The following COL25A1 variants were observed in gnomAD, a reference collection of about 807,000 sequenced individuals.
COL25A1 encodes the protein collagen alpha-1(XXV) chain.
COL25A1 carries 103 observed loss-of-function variants against 128.4 expected under a neutral mutation model. The ratio of observed to expected loss-of-function variants is 0.80; its 90% CI spans 0.68 to 0.94. The LOEUF is 0.94. Among genes scored for constraint, COL25A1 ranks in the 40% least tolerant of loss-of-function variants. The pLI is 0.00. For synonymous variants in COL25A1, 279 were observed against 277.2 expected, an observed-to-expected ratio of 1.01 and a Z score of -0.06; for missense variants, 745 against 840.0, an observed-to-expected ratio of 0.89 and a Z score of 1.40.
At chr4:109,048,113 A>T in intron 5 of COL25A1, 55 bp downstream of exon 5, 1 of 1,584,578 alleles carries the variant, frequency 6.3e-7, no homozygotes, top group Non-Finnish European at 8.7e-7. Context: ...ACAAAGTTTT[A>T]ACATACACAA....
Position 108,827,174 on chromosome 4 carries a change from A to T in COL25A1, c.1725T>A (p.Ala575=). ...GCCCTCTTGGTCCAGGCTCTCCCATAGCTCCTTTTTCACCCTAAAATGAAA... is the reference window on the plus strand; with the variant it reads ...GCCCTCTTGGTCCAGGCTCTCCCATTGCTCCTTTTTCACCCTAAAATGAAA... ...GPKGERGEKG[A]MGEPGPRGPY... Residue 575 remains alanine, a synonymous_variant, in exon 33 of 38, where the codon GCT becomes GCA. Coordinates refer to ENST00000399132, the MANE Select transcript of COL25A1 (RefSeq NM_198721.4). 1 of 1,613,958 alleles carries T rather than the reference A, an allele frequency of 6.2e-7. No homozygotes were observed. The highest frequency in any genetic ancestry group is 8.5e-7 in the Non-Finnish European group (1 of 1,179,928).
At chr4:109,250,369 T>TACACACACACACACACACAC (rs61574026) in intron 3 of COL25A1, among the ~76,000 whole-genome samples, 9,154 of 134,718 alleles carry the variant, frequency 0.068, 411 homozygotes, top group Middle Eastern at 0.14. Context: ...AAGTAGGAGA[T>TACACACACACACACACACAC]ACACACACAC....
intron 3 of COL25A1, among the ~76,000 whole-genome samples, chr4:109,233,822 T>C (rs767352790): frequency 5.3e-5 from 8 of 152,132 alleles, no homozygotes; most frequent in Non-Finnish European, 1.0e-4. Flanking sequence ...TAATGTACCA[T>C]ACTTAATACT....
At chr4:109,247,518 C>A (rs908869960) in intron 3 of COL25A1, among the ~76,000 whole-genome samples, 16 of 152,036 alleles carry the variant, frequency 1.1e-4, no homozygotes, top group Non-Finnish European at 2.4e-4. Flanking sequence ...GTCACTTGGG[C>A]CTGAATTAGG....
chr4:108,867,143 G>A (rs1738036676), intron 20 of COL25A1, among the ~76,000 whole-genome samples: 1 of 152,216 alleles, frequency 6.6e-6, no homozygotes, highest in Non-Finnish European at 1.5e-5. Context: ...CTAAAGAAAA[G>A]ATATTTAGGA....
At chr4:108,864,473 A>G (rs957040586) in intron 20 of COL25A1, among the ~76,000 whole-genome samples, 1 of 152,186 alleles carries the variant, frequency 6.6e-6, no homozygotes, top group Non-Finnish European at 1.5e-5. Flanking sequence ...TACTCATCTC[A>G]TAGTTTATGA....
intron 5 of COL25A1, among the ~76,000 whole-genome samples, chr4:109,020,437 C>T (rs1757616948): frequency 6.9e-6 from 1 of 144,642 alleles, no homozygotes; most frequent in African/African-American, 2.6e-5. Flanking sequence ...TCATCTAAAA[C>T]CTGGTGGATA....
chr4:109,184,146 TAGCAGTTTTCAAGG>T (rs1349703609), intron 3 of COL25A1, among the ~76,000 whole-genome samples: 2 of 152,192 alleles, frequency 1.3e-5, no homozygotes, highest in African/African-American at 4.8e-5. Context: ...TTGTTCCAGA[TAGCAGTTTTCAAGG>T]AATTTTGCTT....
In COL25A1 at chr4:108,983,269, C is replaced by G. The variant is rs376625127; in HGVS notation, c.439-8710G>C. Among the ~76,000 whole-genome samples the G allele has an allele frequency of 3.2e-4, 48 of 152,180 alleles. No homozygotes were observed. In the South Asian group the frequency reaches 1.0e-2, roughly 32 times the overall value. On this transcript the variant is annotated intron_variant, in intron 6 of 37. Transcript: ENST00000399132. ...TTGGAATCCTAAACATTCCTTTTGTCGAAAGAAAGTATCAACTTGCTCTTT... is the reference window on the plus strand; with the variant it reads ...TTGGAATCCTAAACATTCCTTTTGTGGAAAGAAAGTATCAACTTGCTCTTT...
rs984517167 is a variant in COL25A1 at position 108,810,823 on chromosome 4, A to G, written c.*3104T>C. 9 of 152,062 alleles carry G rather than the reference A, an allele frequency of 5.9e-5. No homozygotes were observed. The highest frequency in any genetic ancestry group is 8.8e-5 in the Non-Finnish European group (6 of 67,900). 9.4% of individuals were successfully genotyped at this position (152,062 alleles called of 1,614,324 possible). A position where few individuals can be genotyped will look rare whatever the true frequency, so the allele number is the denominator to read the frequency against. On this transcript the variant is annotated 3_prime_UTR_variant, in exon 38 of 38. Coordinates refer to ENST00000399132, the MANE Select transcript of COL25A1 (RefSeq NM_198721.4). ...TAGCAAATTCATGAACTTTAAAAAT[A>G]AAATAACACACTAATGATTTAGGAA... is the stretch of plus-strand genomic sequence containing the variant.
intron 19 of COL25A1, among the ~76,000 whole-genome samples, chr4:108,871,102 C>T (rs967275791): frequency 1.3e-5 from 2 of 152,094 alleles, no homozygotes; most frequent in African/African-American, 2.4e-5. Flanking sequence ...ATCTCAGCTG[C>T]CAGGTAAAAC....
At chr4:109,095,670 G>A (rs566257709) in intron 3 of COL25A1, among the ~76,000 whole-genome samples, 34 of 152,252 alleles carry the variant, frequency 2.2e-4, no homozygotes, top group Non-Finnish European at 4.4e-4. Flanking sequence ...TCAGCTGCCC[G>A]TCTGAAAAGC....
Position 109,093,472 on chromosome 4 carries a change from A to AAAAAAAAAAAAAAAC in COL25A1, c.368-43294_368-43293insGTTTTTTTTTTTTTT, listed in dbSNP as rs765991576. Among the ~76,000 whole-genome samples the AAAAAAAAAAAAAAAC allele has an allele frequency of 1.6e-3, 226 of 145,422 alleles. 1 individual carries two copies. Among genetic ancestry groups the AAAAAAAAAAAAAAAC allele is most frequent in the South Asian group, 3.0e-3 (14 of 4,624 alleles). On this transcript the variant is annotated intron_variant, in intron 3 of 37. Coordinates refer to ENST00000399132, the MANE Select transcript of COL25A1 (RefSeq NM_198721.4). Reference sequence around the variant, plus strand: ...CCATCTCTATGAAAAAAAAAAAAAAAAAAACCTTTTTTAAATTAGTTAACT... The same window carrying AAAAAAAAAAAAAAAC: ...CCATCTCTATGAAAAAAAAAAAAAAAAAAAAAAAAAAAAACAAAACCTTTTTTAAATTAGTTAACT...
chr4:109,141,281 G>A (rs1770377987), intron 3 of COL25A1, among the ~76,000 whole-genome samples: 1 of 152,162 alleles, frequency 6.6e-6, no homozygotes, highest in African/African-American at 2.4e-5. Context: ...CAGAAATGAA[G>A]CCGACTTGAT....
At chr4:109,275,766 T>C (rs1170232645) in intron 3 of COL25A1, among the ~76,000 whole-genome samples, 1 of 152,228 alleles carries the variant, frequency 6.6e-6, no homozygotes, top group Non-Finnish European at 1.5e-5. Flanking sequence ...GGCTTCTCTC[T>C]GTAAAGTTTT....
chr4:108,871,453 C>A (rs991355440), intron 19 of COL25A1, among the ~76,000 whole-genome samples: 2 of 151,864 alleles, frequency 1.3e-5, no homozygotes, highest in Non-Finnish European at 2.9e-5. Flanking sequence ...GTAGCTGGGA[C>A]TACAGGCGCC....
rs974791567 is a variant in COL25A1, at chr4:108,810,642, G to A, written c.*3285C>T. Reference sequence around the variant, plus strand: ...AAATCATATAAACTAAAAGACGAGTGAATGAAAAAGATGAGACACATGAAA... The same window carrying A: ...AAATCATATAAACTAAAAGACGAGTAAATGAAAAAGATGAGACACATGAAA... On this transcript the variant is annotated 3_prime_UTR_variant, in exon 38 of 38. Transcript: ENST00000399132. 3.3e-5 allele frequency: 5 copies of A among 151,904 alleles called. No individual in the cohort carries two copies. Among genetic ancestry groups the A allele is most frequent in the Non-Finnish European group, 7.4e-5 (5 of 67,830 alleles). 9.4% of individuals were successfully genotyped at this position (151,904 alleles called of 1,614,324 possible). A position where few individuals can be genotyped will look rare whatever the true frequency, so the allele number is the denominator to read the frequency against.
At position 109,197,440 on chromosome 4, in the gene COL25A1, A is replaced by G. The variant is rs548941434; in HGVS notation, c.367+103143T>C. Among the ~76,000 whole-genome samples the G allele has an allele frequency of 6.9e-3, 854 of 123,920 alleles. 34 individuals carry two copies. The South Asian group carries it at 0.11, about 16-fold the overall frequency. 81.3% of individuals were successfully genotyped at this position (123,920 alleles called of 152,430 possible). On this transcript the variant is annotated intron_variant, in intron 3 of 37. Coordinates refer to ENST00000399132, the MANE Select transcript of COL25A1 (RefSeq NM_198721.4). The stretch of plus-strand genomic sequence containing the variant: ...TATATATTATATATAAATATTATAT[A>G]TTATATATATTATATATAAATATTA...
Position 109,151,495 on chromosome 4 carries a change from T to G in COL25A1, c.368-101316A>C, listed in dbSNP as rs187124036. ...AGAAAAATGATCTATGTAAGGCATA[T>G]ATAATGCCAGTAACCTTATTTTTAA... On this transcript the variant is annotated intron_variant, in intron 3 of 37. Coordinates refer to ENST00000399132, the MANE Select transcript of COL25A1 (RefSeq NM_198721.4). 1.1e-3 allele frequency among the ~76,000 whole-genome samples: 165 copies of G among 152,242 alleles called. 2 individuals carry two copies. The highest frequency in any genetic ancestry group is 3.4e-3 in the Middle Eastern group (1 of 294).
Sources: gnomAD v4.1 joint callset for allele counts (sites outside exome capture counted in the v4.1 genomes callset) on GRCh38, gnomAD v4.1.1 for gene constraint, MANE v1.5 for transcripts, NCBI Gene and HGNC (gene_info 2026-07-23, HGNC 2026-07-21) for gene names.